The following LMNA variants were observed in gnomAD, a reference collection of about 807,000 sequenced individuals.
LMNA encodes the protein lamin.
In LMNA, 20 loss-of-function variants were observed where a neutral mutation model predicts 70.4. The ratio of observed to expected loss-of-function variants is 0.28; its 90% CI spans 0.20 to 0.41. The LOEUF is 0.41. Among genes scored for constraint, LMNA ranks in the 10% least tolerant of loss-of-function variants. LMNA has a pLI of 1.00. For missense variants in LMNA, 652 were observed against 917.2 expected (o/e 0.71, Z 3.73); for synonymous variants, 339 against 372.8 (o/e 0.91, Z 1.04).
chr1:156,118,435 G>T (rs1649981877), intron 1 of LMNA, among the ~76,000 whole-genome samples: 1 of 152,160 alleles, frequency 6.6e-6, no homozygotes, highest in African/African-American at 2.4e-5. Flanking sequence ...GGGCGGAGGT[G>T]GTGTGTGTAC....
chr1:156,121,549 A>C (rs1650187977), intron 1 of LMNA, among the ~76,000 whole-genome samples: 1 of 150,238 alleles, frequency 6.7e-6, no homozygotes. Context: ...CATTGCCCCC[A>C]CTTCCAGGTC....
At chr1:156,114,653 G>GC (rs1260818649), upstream of LMNA, 1 of 461,584 alleles carries the variant, frequency 2.2e-6, no homozygotes, top group Non-Finnish European at 3.8e-6. Flanking sequence ...AAGAGTAGTG[G>GC]CCCCTCCTCC....
At position 156,095,508 on chromosome 1, in the gene LMNA, C is replaced by CTTT. The variant is rs59065867; in HGVS notation, c.-207+4937_-207+4939dup. Among the ~76,000 whole-genome samples, 427 of 144,396 alleles carry CTTT rather than the reference C, an allele frequency of 3.0e-3. 2 individuals are homozygous for CTTT. Among genetic ancestry groups the CTTT allele is most frequent in the African/African-American group, 9.9e-3 (389 of 39,430 alleles). 94.7% of individuals were successfully genotyped at this position (144,396 alleles called of 152,430 possible). A position where few individuals can be genotyped will look rare whatever the true frequency, so the allele number is the denominator to read the frequency against. On this transcript the variant is annotated intron_variant, in intron 3 of 12. Coordinates refer to the LMNA transcript ENST00000368301. ...CACCTGCCACCACACCCAGCTAATG[C>CTTT]TTTTTTTTTTTTTCTTTTTTGTATT...
chr1:156,126,135 G>C, intron 1 of LMNA: 2 of 1,503,050 alleles, frequency 1.3e-6, no homozygotes, highest in Non-Finnish European at 1.8e-6. Flanking sequence ...ATGTTCCTGG[G>C]AGACAGGAAA....
intron 2 of LMNA, among the ~76,000 whole-genome samples, chr1:156,132,198 G>A (rs972783502): frequency 7.3e-5 from 11 of 151,406 alleles, no homozygotes; most frequent in African/African-American, 2.4e-4. Flanking sequence ...AGCCAGGCAC[G>A]GTGGCTCATG....
intron 1 of LMNA, among the ~76,000 whole-genome samples, chr1:156,127,876 A>G (rs1165522143): frequency 6.6e-6 from 1 of 152,018 alleles, no homozygotes; most frequent in African/African-American, 2.4e-5. Context: ...TGATAGAGTC[A>G]GAGTTTCACC....
At chr1:156,084,824 GC>G (rs1186315061) in intron 2 of LMNA, among the ~76,000 whole-genome samples, 1 of 152,212 alleles carries the variant, frequency 6.6e-6, no homozygotes, top group Admixed American at 6.5e-5. Flanking sequence ...CCCTGAACTT[GC>G]GCTGCCTCTG....
At chr1:156,114,360 C>CT (rs772610421), upstream of LMNA, among the ~76,000 whole-genome samples, 2 of 152,236 alleles carry the variant, frequency 1.3e-5, no homozygotes, top group Non-Finnish European at 2.9e-5. Context: ...ACCTGACCCT[C>CT]TCCCTTGCTT....
At chr1:156,121,993 T>C (rs1005392101) in intron 1 of LMNA, among the ~76,000 whole-genome samples, 1 of 152,118 alleles carries the variant, frequency 6.6e-6, no homozygotes, top group Non-Finnish European at 1.5e-5. Context: ...CTGTCTCTAC[T>C]AAAAATACAA....
upstream of LMNA, chr1:156,114,536 A>C (rs1649664477): frequency 4.0e-6 from 1 of 251,728 alleles, no homozygotes; most frequent in South Asian, 8.6e-5. Flanking sequence ...TCACGCAGTT[A>C]GGGGTGCGCT....
intron 1 of LMNA, among the ~76,000 whole-genome samples, chr1:156,122,776 G>A (rs758933897): frequency 2.0e-5 from 3 of 152,218 alleles, no homozygotes; most frequent in Non-Finnish European, 4.4e-5. Flanking sequence ...CTGGAACCGG[G>A]GGGAGGGGCA....
rs371635492 is a variant in LMNA, at chr1:156,136,915, C to G, written c.1381-6C>G. On this transcript the variant is annotated splice_polypyrimidine_tract_variant and splice_region_variant and intron_variant, in intron 7 of 11. Transcript: ENST00000368300. The surrounding 1 kb of genome is among the most constrained non-coding windows in gnomAD (Gnocchi z 6.1). ...CCGACCTTCCTCTTCCCTATCTTCC[C>G]GGCAGGACCAGTCCATGGGCAATTG... 4.3e-6 allele frequency: 7 copies of G among 1,612,482 alleles called. 1 individual carries two copies. The South Asian group carries it at 4.4e-5, about 10-fold the overall frequency.
At position 156,135,827 on chromosome 1, in the gene LMNA, A is replaced by G. The variant is rs1055132515; in HGVS notation, c.937-74A>G. On this transcript the variant is annotated intron_variant, in intron 5 of 11. Transcript: ENST00000368300. The surrounding 1 kb of genome is among the most constrained non-coding windows in gnomAD (Gnocchi z 4.8). ...TGGAGAGAGTAGCCAGGTGTCTCCT[A>G]CACCGACCCACGTCCCTCCTTCCCC... 1.2e-5 allele frequency: 16 copies of G among 1,317,042 alleles called. No individual in the cohort carries two copies. The highest frequency in any genetic ancestry group is 1.5e-5 in the Non-Finnish European group (14 of 931,874). 81.6% of individuals were successfully genotyped at this position (1,317,042 alleles called of 1,614,324 possible). A position where few individuals can be genotyped will look rare whatever the true frequency, so the allele number is the denominator to read the frequency against.
intron 3 of LMNA, among the ~76,000 whole-genome samples, chr1:156,102,208 C>T (rs914133562): frequency 4.6e-5 from 7 of 152,160 alleles, no homozygotes; most frequent in Admixed American, 2.0e-4. Flanking sequence ...TACACGGGGG[C>T]GGGACAGTGG....
At position 156,137,291 on chromosome 1, in the gene LMNA, G is replaced by A. The variant is rs1250835801; in HGVS notation, c.1608+59G>A. The A allele has an allele frequency of 2.0e-5, 31 of 1,535,904 alleles. No homozygotes were observed. Among genetic ancestry groups the A allele is most frequent in the African/African-American group, 5.5e-5 (4 of 72,986 alleles). On this transcript the variant is annotated intron_variant, in intron 9 of 11. Coordinates refer to ENST00000368300, the MANE Select transcript of LMNA (RefSeq NM_170707.4). The surrounding 1 kb of genome is among the most constrained non-coding windows in gnomAD (Gnocchi z 4.6). ...GAGGCTCCCCCTGATGGCCAACATC[G>A]GAGCCAGCTGCCCCCAACCCAAGTT... is the stretch of plus-strand genomic sequence containing the variant.
At chr1:156,116,916 T>C (rs1572335124) in intron 1 of LMNA, among the ~76,000 whole-genome samples, 1 of 151,662 alleles carries the variant, frequency 6.6e-6, no homozygotes, top group African/African-American at 2.4e-5. Flanking sequence ...GAAGACAGGC[T>C]TAACGGTTTT....
At chr1:156,084,330 G>GGGGGGGGGC (rs1553259239) in intron 2 of LMNA, among the ~76,000 whole-genome samples, 4 of 90,070 alleles carry the variant, frequency 4.4e-5, no homozygotes, top group Non-Finnish European at 7.9e-5. Context: ...CAGAAGGTCG[G>GGGGGGGGGC]GGGGTGGTGG....
intron 3 of LMNA, among the ~76,000 whole-genome samples, chr1:156,092,765 A>G (rs1648755497): frequency 6.6e-6 from 1 of 151,182 alleles, no homozygotes; most frequent in Non-Finnish European, 1.5e-5. Flanking sequence ...CACACTCCTT[A>G]GTGTGGTGAT....
chr1:156,110,918 G>A (rs147713644), upstream of LMNA, among the ~76,000 whole-genome samples: 12 of 152,304 alleles, frequency 7.9e-5, no homozygotes, highest in East Asian at 1.9e-3. Context: ...AGAGGTTGCA[G>A]TGAGCCGAGA....
Sources: allele counts gnomAD v4.1 joint callset (sites outside exome capture counted in the v4.1 genomes callset), GRCh38; gene constraint gnomAD v4.1.1; non-coding constraint Gnocchi (gnomAD v3.1); transcripts MANE v1.5; gene names NCBI Gene and HGNC (gene_info 2026-07-23, HGNC 2026-07-21).